The following PLA2G4D variants were observed in gnomAD, a reference collection of about 807,000 sequenced individuals.
PLA2G4D encodes the protein cytosolic phospholipase A2 delta.
PLA2G4D carries 80 observed loss-of-function variants against 94.4 expected under a neutral mutation model. The observed-to-expected ratio is 0.85, with a 90% CI of 0.71 to 1.02. The LOEUF is 1.02. Among genes scored for constraint, PLA2G4D ranks in the 50% least tolerant of loss-of-function variants. The pLI is 0.00. For synonymous variants in PLA2G4D, 438 were observed against 440.9 expected (o/e 0.99, Z 0.08); for missense variants, 1,050 against 1,034.7 (o/e 1.01, Z -0.20).
At chr15:42,072,548 C>T (rs904042832) in intron 13 of PLA2G4D, among the ~76,000 whole-genome samples, 156 bp from the exon 14 acceptor site, 2 of 152,168 alleles carry the variant, frequency 1.3e-5, no homozygotes, top group Middle Eastern at 3.2e-3. Flanking sequence ...GTTCCCACTC[C>T]TGCCCCTGTG....
At position 42,086,194 on chromosome 15, in the gene PLA2G4D, T is replaced by TGGGGGGGGGGGGGGCCC; in HGVS notation, c.387+18_387+19insGGGCCCCCCCCCCCCCC. 2.9e-6 allele frequency: 4 copies of TGGGGGGGGGGGGGGCCC among 1,370,442 alleles called. No individual in the cohort carries two copies. Among genetic ancestry groups the TGGGGGGGGGGGGGGCCC allele is most frequent in the South Asian group, 1.5e-5 (1 of 66,866 alleles). The allele number at this position is 1,370,442 out of a possible 1,614,324, so 84.9% of individuals were successfully genotyped here. ...GGAAGAAGTGGGGCCCACGGGGACT[T>TGGGGGGGGGGGGGGCCC]CCCCACCCACCCACCCACCTGGGGA... is the stretch of plus-strand genomic sequence containing the variant. On this transcript the variant is annotated intron_variant, in intron 4 of 19. Coordinates refer to ENST00000290472, the MANE Select transcript of PLA2G4D (RefSeq NM_178034.4).
chr15:42,079,568 G>C lies in PLA2G4D; in HGVS notation c.1286C>G (p.Ala429Gly), dbSNP rs746000051. Reference sequence around the variant, plus strand: ...GTGCAGCATGGACTCCAGCACTAGCGCCCACAGGTCCACAAAGGTCGTGGG... The same window carrying C: ...GTGCAGCATGGACTCCAGCACTAGCCCCCACAGGTCCACAAAGGTCGTGGG... ...GHPTTFVDLWALVLESMLHGQ... is the reference protein window; with the variant it reads ...GHPTTFVDLWGLVLESMLHGQ... The change falls in exon 13 of 20, where the codon GCG (alanine) becomes GGG (glycine). Residue 429 changes from alanine to glycine, a missense_variant. Coordinates refer to ENST00000290472, the MANE Select transcript of PLA2G4D (RefSeq NM_178034.4). 1 of 1,607,238 alleles carries C rather than the reference G, an allele frequency of 6.2e-7. No individual in the cohort carries two copies. Among genetic ancestry groups the C allele is most frequent in the Non-Finnish European group, 8.5e-7 (1 of 1,178,458 alleles).
chr15:42,081,420 G>T, intron 11 of PLA2G4D, 59 bp downstream of exon 11: 1 of 1,575,900 alleles, frequency 6.3e-7, no homozygotes, highest in Non-Finnish European at 8.6e-7. Flanking sequence ...ATAGGAATCA[G>T]GTACTCCCTT....
Position 42,094,417 on chromosome 15 carries a change from G to A in PLA2G4D, c.43C>T (p.Gln15Ter), listed in dbSNP as rs201797685. The A allele has an allele frequency of 5.0e-6, 8 of 1,613,952 alleles. No homozygotes were observed. Among genetic ancestry groups the A allele is most frequent in the Non-Finnish European group, 5.9e-6 (7 of 1,179,970 alleles). ...ACATGCTCTGCAGACACTGTTACCT[G>A]GTAAGGGTGGCCAGGTGGTCCCCCA... Reference protein sequence around the residue: ...SPGGPPGHPYQGEASTCWQLT... With the variant: ...SPGGPPGHPY Residue 15 changes from glutamine (Q) to a stop codon, truncating the protein, a stop_gained and splice_region_variant, in exon 1 of 20, where the codon CAG becomes TAG. Transcript: ENST00000290472. LOFTEE classifies it high-confidence loss of function.
chr15:42,080,835 G>C (rs899327501), intron 12 of PLA2G4D, among the ~76,000 whole-genome samples, 162 bp downstream of exon 12: 9 of 152,218 alleles, frequency 5.9e-5, no homozygotes, highest in African/African-American at 2.2e-4. Flanking sequence ...CAGGGCTTCT[G>C]TAAACGTCTG....
intron 13 of PLA2G4D, among the ~76,000 whole-genome samples, chr15:42,078,766 T>G (rs1889976828): frequency 6.6e-6 from 1 of 152,164 alleles, no homozygotes. Context: ...TACTAATATA[T>G]TCCATACTTT....
chr15:42,079,900 G>A (rs1890004517), intron 12 of PLA2G4D, 141 bp from the exon 13 acceptor site: 6 of 701,644 alleles, frequency 8.6e-6, no homozygotes, highest in African/African-American at 1.9e-5. Flanking sequence ...GGGTCTCAGG[G>A]CTTTCTCTCC....
Position 42,067,233 on chromosome 15 carries a change from G to C in PLA2G4D, c.*1482C>G, listed in dbSNP as rs1889703303. 1 of 152,188 alleles carries C rather than the reference G, an allele frequency of 6.6e-6. No individual in the cohort carries two copies. Among genetic ancestry groups the C allele is most frequent in the Non-Finnish European group, 1.5e-5 (1 of 68,064 alleles). 9.4% of individuals were successfully genotyped at this position (152,188 alleles called of 1,614,324 possible). A position where few individuals can be genotyped will look rare whatever the true frequency, so the allele number is the denominator to read the frequency against. On this transcript the variant is annotated 3_prime_UTR_variant, in exon 20 of 20. Coordinates refer to ENST00000290472, the MANE Select transcript of PLA2G4D (RefSeq NM_178034.4). ...ATGTGTACACGCACCCTTGCATGAG[G>C]GAGGTAAGAAATGTGCTAGCAGCTG...
chr15:42,072,554 C>T (rs1002352099), intron 13 of PLA2G4D, among the ~76,000 whole-genome samples, 162 bp from the exon 14 acceptor site: 8 of 152,134 alleles, frequency 5.3e-5, no homozygotes, highest in African/African-American at 1.9e-4. Flanking sequence ...ACTCCTGCCC[C>T]TGTGTTCTGA....
At chr15:42,074,183 C>T (rs912124133) in intron 13 of PLA2G4D, among the ~76,000 whole-genome samples, 3 of 152,152 alleles carry the variant, frequency 2.0e-5, no homozygotes, top group African/African-American at 7.2e-5. Flanking sequence ...GGAAAAAGGT[C>T]AGCACACCCC....
At chr15:42,088,510 A>G (rs1890193851) in intron 1 of PLA2G4D, among the ~76,000 whole-genome samples, 1 of 152,174 alleles carries the variant, frequency 6.6e-6, no homozygotes, top group Admixed American at 6.5e-5. Context: ...GGTCCCCGGC[A>G]CTGCCACGAT....
chr15:42,077,055 A>G (rs1889942921), intron 13 of PLA2G4D, among the ~76,000 whole-genome samples: 1 of 149,218 alleles, frequency 6.7e-6, no homozygotes, highest in East Asian at 2.0e-4. Flanking sequence ...AAAGCTGAAC[A>G]GAACAATAAC....
At chr15:42,085,188 C>G (rs760381377) in intron 5 of PLA2G4D, 50 bp from the exon 6 acceptor site, 2 of 1,608,422 alleles carry the variant, frequency 1.2e-6, no homozygotes, top group Non-Finnish European at 1.7e-6. Context: ...ATTGACCTCC[C>G]GCTCCCGCCC....
At position 42,085,447 on chromosome 15, in the gene PLA2G4D, G is replaced by A. The variant is rs758129378; in HGVS notation, c.428+44C>T. On this transcript the variant is annotated intron_variant, in intron 5 of 19. Transcript: ENST00000290472. Reference sequence around the variant, plus strand: ...TCTGGGTCAGGGCCATTTCCTCAGAGCCTGAGTCCTGAGACACTCCCTGGG... The same window carrying A: ...TCTGGGTCAGGGCCATTTCCTCAGAACCTGAGTCCTGAGACACTCCCTGGG... The A allele has an allele frequency of 4.5e-6, 7 of 1,572,634 alleles. No homozygotes were observed. The East Asian group carries it at 1.6e-4, about 35-fold the overall frequency.
chr15:42,084,035 G>A lies in PLA2G4D; in HGVS notation c.472-256C>T, dbSNP rs1890094461. 5.8e-6 allele frequency: 3 copies of A among 515,602 alleles called. No individual in the cohort carries two copies. The highest frequency in any genetic ancestry group is 3.3e-5 in the Admixed American group (1 of 30,724). The allele number at this position is 515,602 out of a possible 1,614,324, so 31.9% of individuals were successfully genotyped here. A position where few individuals can be genotyped will look rare whatever the true frequency, so the allele number is the denominator to read the frequency against. On this transcript the variant is annotated intron_variant, in intron 6 of 19. Transcript: ENST00000290472. This position sits in a 1 kb window ranked among gnomAD's most constrained non-coding sequence, Gnocchi z 4.8. ...GCTCCCCTGGCTTTGCCAAACTCCC[G>A]AAACCTCCTAGAGCGCCCAGCCCTC...
chr15:42,087,714 C>T lies in PLA2G4D; in HGVS notation c.46-14G>A. ...AGAGGCCTCCCCCTGAAGAGAAAAT[C>T]AAACTCCAGAGTCCTTCCTGCATTC... On this transcript the variant is annotated splice_polypyrimidine_tract_variant and intron_variant, in intron 1 of 19. Coordinates refer to ENST00000290472, the MANE Select transcript of PLA2G4D (RefSeq NM_178034.4). The T allele has an allele frequency of 6.2e-7, 1 of 1,613,490 alleles. No individual in the cohort carries two copies. The highest frequency in any genetic ancestry group is 8.5e-7 in the Non-Finnish European group (1 of 1,179,586).
In PLA2G4D at chr15:42,094,463, A is replaced by G. The variant is rs1473511239; in HGVS notation, c.-4T>C. 5.0e-6 allele frequency: 8 copies of G among 1,613,956 alleles called. No individual in the cohort carries two copies. The Admixed American group carries it at 5.0e-5, about 10-fold the overall frequency. Reference sequence around the variant, plus strand: ...CCCCAGGTGACAGGCTCTCCATGCTAGCCCTTCCAGCTTCACTCCAGGCCC... The same window carrying G: ...CCCCAGGTGACAGGCTCTCCATGCTGGCCCTTCCAGCTTCACTCCAGGCCC... On this transcript the variant is annotated 5_prime_UTR_variant, in exon 1 of 20. Transcript: ENST00000290472.
chr15:42,083,205 C>A lies in PLA2G4D; in HGVS notation c.665G>T (p.Arg222Leu). Residue 222 changes from arginine (R) to leucine (L), a missense_variant, in exon 8 of 20, where the codon CGC becomes CTC. Physicochemically the swap from Arg to Leu is moderately radical, Grantham distance 102. Transcript: ENST00000290472. Reference sequence around the variant, plus strand: ...TCTAGAGCCAAGACCCACCCTCAGGCGCCCGCTCAGCTCTGTCTCTAGGGC... The same window carrying A: ...TCTAGAGCCAAGACCCACCCTCAGGAGCCCGCTCAGCTCTGTCTCTAGGGC... ...MAALETELSGRLRSSRSNGWN... is the reference protein window; with the variant it reads ...MAALETELSGLLRSSRSNGWN... 6.2e-7 allele frequency: 1 copy of A among 1,613,364 alleles called. No individual in the cohort carries two copies.
intron 9 of PLA2G4D, 136 bp downstream of exon 9, chr15:42,082,143 G>A: frequency 1.3e-6 from 1 of 774,338 alleles, no homozygotes. Flanking sequence ...TGTTGGCCAG[G>A]CTGTTCTCAA....
Sources: allele counts gnomAD v4.1 joint callset (sites outside exome capture counted in the v4.1 genomes callset), GRCh38; gene constraint gnomAD v4.1.1; non-coding constraint Gnocchi (gnomAD v3.1); transcripts MANE v1.5; gene names NCBI Gene and HGNC (gene_info 2026-07-23, HGNC 2026-07-21).